The following KIAA0825 variants were observed in gnomAD, a reference collection of about 807,000 sequenced individuals.
KIAA0825 encodes uncharacterized protein KIAA0825.
In KIAA0825, 119 loss-of-function variants were observed where a neutral mutation model predicts 147.6. The observed-to-expected ratio is 0.81, with a 90% confidence interval of 0.69 to 0.94. KIAA0825 has a LOEUF of 0.94. Ranked by LOEUF, KIAA0825 falls within the 40% of genes least tolerant of loss-of-function variation. KIAA0825 has a pLI of 0.00. For synonymous variants in KIAA0825, 470 were observed against 518.1 expected, an observed-to-expected ratio of 0.91 and a Z score of 1.26; for missense variants, 1,381 against 1,472.7, an observed-to-expected ratio of 0.94 and a Z score of 1.02.
chr5:94,283,106 T>G (rs1777531307), intron 20 of KIAA0825, among the ~76,000 whole-genome samples: 1 of 152,072 alleles, frequency 6.6e-6, no homozygotes, highest in African/African-American at 2.4e-5. Flanking sequence ...AGGAATGAAT[T>G]CTAAATTCAG....
intron 20 of KIAA0825, among the ~76,000 whole-genome samples, chr5:94,253,267 T>C (rs1257512014): frequency 6.6e-6 from 1 of 152,140 alleles, no homozygotes; most frequent in Non-Finnish European, 1.5e-5. Flanking sequence ...GATAAAGATA[T>C]TTAAGCTGTC....
At position 94,520,822 on chromosome 5, in the gene KIAA0825, G is replaced by A. The variant is rs952217081; in HGVS notation, c.396C>T (p.Thr132=). 6.2e-7 allele frequency: 1 copy of A among 1,613,144 alleles called. No individual in the cohort carries two copies. The highest frequency in any genetic ancestry group is 8.5e-7 in the Non-Finnish European group (1 of 1,179,386). Residue 132 remains threonine, a synonymous_variant, in exon 5 of 21, where the codon ACC becomes ACT. Transcript: ENST00000682413. ...SCHSSVSFPS[T]LSGTSFHFLS... ...GGAAATGGAAAGATGTTCCACTTAG[G>A]GTTGATGGGAATGAAACGCTGCTGT...
chr5:94,402,557 G>C (rs1160239512), intron 16 of KIAA0825, among the ~76,000 whole-genome samples: 1 of 151,920 alleles, frequency 6.6e-6, no homozygotes, highest in Non-Finnish European at 1.5e-5. Context: ...TAATTGATTT[G>C]AGTTTGTAAT....
chr5:94,403,954 A>AT (rs757491724), intron 15 of KIAA0825, among the ~76,000 whole-genome samples, 161 bp from the exon 16 acceptor site: 12 of 150,676 alleles, frequency 8.0e-5, no homozygotes, highest in Non-Finnish European at 1.8e-4. Context: ...CCCATAAAAC[A>AT]TTTTTTAAAA....
At chr5:94,269,336 T>C (rs1034440170) in intron 20 of KIAA0825, among the ~76,000 whole-genome samples, 5 of 151,812 alleles carry the variant, frequency 3.3e-5, no homozygotes, top group African/African-American at 1.2e-4. Flanking sequence ...TTCACTCAAA[T>C]GAAGACAGGA....
chr5:94,391,247 A>G (rs148284669), intron 18 of KIAA0825, among the ~76,000 whole-genome samples: 2 of 152,326 alleles, frequency 1.3e-5, no homozygotes, highest in African/African-American at 4.8e-5. Flanking sequence ...TCACAAACAC[A>G]CAATTCCCAA....
intron 5 of KIAA0825, among the ~76,000 whole-genome samples, chr5:94,501,931 T>C (rs936004759): frequency 1.3e-5 from 2 of 152,220 alleles, no homozygotes; most frequent in African/African-American, 4.8e-5. Context: ...TATAATCATA[T>C]AATACATATG....
chr5:94,229,931 A>G (rs1445501101), intron 20 of KIAA0825, among the ~76,000 whole-genome samples: 4 of 151,042 alleles, frequency 2.6e-5, no homozygotes, highest in Non-Finnish European at 5.9e-5. Flanking sequence ...TTTTTTTTCT[A>G]TTTCTCTCTT....
intron 20 of KIAA0825, among the ~76,000 whole-genome samples, chr5:94,190,134 C>A (rs1458171796): frequency 6.6e-6 from 1 of 152,140 alleles, no homozygotes; most frequent in East Asian, 1.9e-4. Flanking sequence ...TTGTATCCTG[C>A]AATCTTGCTA....
chr5:94,268,696 T>C (rs546937202), intron 20 of KIAA0825, among the ~76,000 whole-genome samples: 2 of 152,278 alleles, frequency 1.3e-5, no homozygotes, highest in East Asian at 3.9e-4. Context: ...CCTGCACAGA[T>C]AGACATCAGG....
chr5:94,513,751 C>G (rs979815825), intron 5 of KIAA0825, among the ~76,000 whole-genome samples: 1 of 151,726 alleles, frequency 6.6e-6, no homozygotes, highest in Non-Finnish European at 1.5e-5. Flanking sequence ...ACACCCTCCC[C>G]TTATACCCAT....
intron 5 of KIAA0825, among the ~76,000 whole-genome samples, chr5:94,497,117 C>T (rs749559568): frequency 6.6e-6 from 1 of 151,990 alleles, no homozygotes. Context: ...TAATTAAAAC[C>T]AAAATGAGGA....
At chr5:94,571,784 T>C (rs897714293) in intron 2 of KIAA0825, among the ~76,000 whole-genome samples, 1 of 152,216 alleles carries the variant, frequency 6.6e-6, no homozygotes, top group African/African-American at 2.4e-5. Flanking sequence ...ATCAAGGAAA[T>C]TCAGTATTGT....
chr5:94,304,246 C>T (rs945914325), intron 20 of KIAA0825, among the ~76,000 whole-genome samples: 7 of 152,054 alleles, frequency 4.6e-5, no homozygotes, highest in African/African-American at 1.7e-4. Context: ...GAAGACAAGT[C>T]GTTTCTCTGA....
intron 1 of KIAA0825, chr5:94,593,102 T>C (rs1210961681): frequency 9.6e-6 from 7 of 732,396 alleles, no homozygotes; most frequent in African/African-American, 8.6e-5. Context: ...TTCAAATTAA[T>C]GAATGGCAAT....
chr5:94,368,231 G>A (rs549693543), intron 20 of KIAA0825, among the ~76,000 whole-genome samples: 2 of 152,196 alleles, frequency 1.3e-5, no homozygotes, highest in Non-Finnish European at 2.9e-5. Context: ...AGAGTGAAGT[G>A]ATGCAATCAC....
Position 94,585,631 on chromosome 5 carries a change from C to T in KIAA0825, c.-152-3048G>A, listed in dbSNP as rs549214185. 8.5e-5 allele frequency among the ~76,000 whole-genome samples: 13 copies of T among 152,052 alleles called. 1 individual carries two copies. Among genetic ancestry groups the T allele is most frequent in the Non-Finnish European group, 1.0e-4 (7 of 67,998 alleles). On this transcript the variant is annotated intron_variant, in intron 1 of 20. Coordinates refer to ENST00000682413, the MANE Select transcript of KIAA0825 (RefSeq NM_001145678.3). ...CTGCTGTCAATATTAGACAGATCAACGAGATGGAAAATTAACAAGGATATC... is the reference window on the plus strand; with the variant it reads ...CTGCTGTCAATATTAGACAGATCAATGAGATGGAAAATTAACAAGGATATC...
intron 1 of KIAA0825, among the ~76,000 whole-genome samples, chr5:94,584,883 A>T (rs1782967461): frequency 6.6e-6 from 1 of 152,216 alleles, no homozygotes; most frequent in African/African-American, 2.4e-5. Context: ...GGGGGCCAAA[A>T]TTCAACATGC....
intron 20 of KIAA0825, among the ~76,000 whole-genome samples, chr5:94,203,357 G>C (rs780949594): frequency 1.7e-4 from 26 of 152,246 alleles, no homozygotes; most frequent in Non-Finnish European, 2.6e-4. Flanking sequence ...TATGCAATAT[G>C]CTCACTCCGT....
Sources: gnomAD v4.1 joint callset for allele counts (sites outside exome capture counted in the v4.1 genomes callset) on GRCh38, gnomAD v4.1.1 for gene constraint, MANE v1.5 for transcripts, NCBI Gene and HGNC (gene_info 2026-07-23, HGNC 2026-07-21) for gene names.